The following PIWIL3 variants were observed in gnomAD, a reference collection of about 807,000 sequenced individuals.
PIWIL3 encodes the protein piwi-like protein 3.
In PIWIL3, 101 loss-of-function variants were observed where a neutral mutation model predicts 109.7. That is an observed-to-expected ratio of 0.92 (90% confidence interval 0.78 to 1.09). The LOEUF is 1.09. Ranked by LOEUF, PIWIL3 falls within the 50% of genes least tolerant of loss-of-function variation. The pLI is 0.00. For missense variants in PIWIL3, 1,031 were observed against 1,072.6 expected (o/e 0.96, Z 0.54); for synonymous variants, 373 against 376.4 (o/e 0.99, Z 0.10).
At chr22:24,731,879 A>G (rs1923372108) in intron 14 of PIWIL3, among the ~76,000 whole-genome samples, 1 of 152,130 alleles carries the variant, frequency 6.6e-6, no homozygotes, top group Admixed American at 6.5e-5. Context: ...CCGGCCCCTC[A>G]GTTTGCTCCG....
intron 2 of PIWIL3, chr22:24,762,018 T>G: frequency 1.0e-6 from 1 of 1,001,490 alleles, no homozygotes; most frequent in South Asian, 4.6e-5. Flanking sequence ...AGGGCAGGCA[T>G]AACAAGTTTT....
chr22:24,746,086 C>A (rs1293859780), intron 12 of PIWIL3, among the ~76,000 whole-genome samples: 2 of 152,286 alleles, frequency 1.3e-5, no homozygotes, highest in Non-Finnish European at 2.9e-5. Flanking sequence ...GGAGGGAATA[C>A]TTCCAAGTCA....
rs962155306 is a variant in PIWIL3 at position 24,751,374 on chromosome 22, TAC to T, written c.1089+11_1089+12del. On this transcript the variant is annotated intron_variant, in intron 9 of 20. Transcript: ENST00000616349. Reference sequence around the variant, plus strand: ...TACAATTTAAATATATTTAAAGAAATACAGTTTCATACCTGCCTGTAGTAGTC... The same window carrying T: ...TACAATTTAAATATATTTAAAGAAATAGTTTCATACCTGCCTGTAGTAGTC... 6.3e-6 allele frequency: 10 copies of T among 1,581,020 alleles called. No homozygotes were observed. In the Admixed American group the frequency reaches 7.8e-5, roughly 12 times the overall value.
chr22:24,723,047 G>A (rs1922768561), intron 19 of PIWIL3, 83 bp downstream of exon 19: 1 of 1,451,988 alleles, frequency 6.9e-7, no homozygotes, highest in African/African-American at 1.4e-5. Context: ...TTAAGGTAAA[G>A]TTATTGGAAT....
chr22:24,719,940 G>A (rs1922563746), intron 19 of PIWIL3, 45 bp from the exon 20 acceptor site: 3 of 1,472,672 alleles, frequency 2.0e-6, no homozygotes, highest in East Asian at 2.3e-5. Context: ...TTAGAAAGAG[G>A]GTATATAGTA....
Position 24,724,910 on chromosome 22 carries a change from G to A in PIWIL3, c.2208C>T (p.Tyr736=), listed in dbSNP as rs1351261496. 2 of 1,613,874 alleles carry A rather than the reference G, an allele frequency of 1.2e-6. No individual in the cohort carries two copies. The highest frequency in any genetic ancestry group is 1.1e-5 in the South Asian group (1 of 91,056). ...LDHEAKKMST[Y]LKTISPNNFT... ...ACTTGTTAGGAGAGATGGTTTTTAAGTAGGTCGACATCTTTTTCGCTTCAT... is the reference window on the plus strand; with the variant it reads ...ACTTGTTAGGAGAGATGGTTTTTAAATAGGTCGACATCTTTTTCGCTTCAT... Residue 736 remains tyrosine (Y), a synonymous_variant, in exon 18 of 21, where the codon TAC becomes TAT. Transcript: ENST00000616349.
At chr22:24,771,882 G>A (rs1208891563) in intron 1 of PIWIL3, among the ~76,000 whole-genome samples, 1 of 152,104 alleles carries the variant, frequency 6.6e-6, no homozygotes, top group Non-Finnish European at 1.5e-5. Flanking sequence ...CGTTAGTAGA[G>A]ACGGGGTTTC....
chr22:24,748,871 C>T (rs757323548), intron 12 of PIWIL3, 36 bp downstream of exon 12: 13 of 1,520,128 alleles, frequency 8.6e-6, no homozygotes, highest in South Asian at 3.5e-5. Flanking sequence ...CTTCATTTGA[C>T]CCCACCATGA....
At chr22:24,725,953 T>G (rs190708164) in intron 16 of PIWIL3, among the ~76,000 whole-genome samples, 1 of 152,304 alleles carries the variant, frequency 6.6e-6, no homozygotes, top group East Asian at 1.9e-4. Context: ...TCTAGTAAAA[T>G]GGTATGCTGT....
At chr22:24,737,216 T>C (rs1010681549) in intron 12 of PIWIL3, among the ~76,000 whole-genome samples, 3 of 151,718 alleles carry the variant, frequency 2.0e-5, no homozygotes, top group African/African-American at 7.3e-5. Flanking sequence ...GAAGGAAGAG[T>C]GAAGACTTTG....
intron 19 of PIWIL3, among the ~76,000 whole-genome samples, chr22:24,721,891 A>C (rs1922694712): frequency 6.6e-6 from 1 of 152,210 alleles, no homozygotes; most frequent in African/African-American, 2.4e-5. Flanking sequence ...AACAAGAAAA[A>C]GACTTCTAAA....
chr22:24,771,118 G>A (rs1424226170), intron 1 of PIWIL3, among the ~76,000 whole-genome samples: 2 of 151,856 alleles, frequency 1.3e-5, no homozygotes, highest in African/African-American at 2.4e-5. Flanking sequence ...ACTTAAAATG[G>A]TCTCTTGGAG....
chr22:24,747,019 T>C (rs1924415500), intron 12 of PIWIL3, among the ~76,000 whole-genome samples: 1 of 151,692 alleles, frequency 6.6e-6, no homozygotes, highest in Admixed American at 6.6e-5. Flanking sequence ...CAGAATTCCA[T>C]AAGCTATCCT....
intron 1 of PIWIL3, chr22:24,769,855 A>G (rs1203272262): frequency 6.6e-6 from 1 of 150,834 alleles, no homozygotes; most frequent in Admixed American, 6.6e-5. Context: ...TGATGAGCTA[A>G]AAGAAAAAAA....
At position 24,719,774 on chromosome 22, in the gene PIWIL3, G is replaced by A. The variant is rs1458871726; in HGVS notation, c.2479C>T (p.Leu827=). 1.2e-6 allele frequency: 2 copies of A among 1,612,764 alleles called. No individual in the cohort carries two copies. Among genetic ancestry groups the A allele is most frequent in the African/African-American group, 1.3e-5 (1 of 74,888 alleles). ...PDTVQRLTYC[L]CHMYYNLPGI... ...GGCAAATTATAATACATGTGGCATAGACAATATGTTAAACGCTGTACTGTA... is the reference window on the plus strand; with the variant it reads ...GGCAAATTATAATACATGTGGCATAAACAATATGTTAAACGCTGTACTGTA... The change falls in exon 20 of 21, where the codon CTA becomes TTA. Residue 827 remains leucine, a synonymous_variant. Transcript: ENST00000616349.
At chr22:24,756,175 C>G (rs1284656566) in intron 5 of PIWIL3, among the ~76,000 whole-genome samples, 1 of 152,018 alleles carries the variant, frequency 6.6e-6, no homozygotes, top group Non-Finnish European at 1.5e-5. Flanking sequence ...AATAAGTTCT[C>G]TAACTTGTTT....
At chr22:24,739,246 G>A (rs1021152841) in intron 12 of PIWIL3, among the ~76,000 whole-genome samples, 2 of 152,070 alleles carry the variant, frequency 1.3e-5, no homozygotes, top group East Asian at 1.9e-4. Context: ...AAGAGTTACT[G>A]TCCTTATAGA....
chr22:24,754,480 T>C (rs181506529), intron 7 of PIWIL3, among the ~76,000 whole-genome samples: 361 of 152,058 alleles, frequency 2.4e-3, no homozygotes, highest in African/African-American at 8.1e-3. Context: ...TACCAGTGAG[T>C]AATATATATA....
At chr22:24,760,022 G>A (rs751094184) in intron 2 of PIWIL3, 33 bp from the exon 3 acceptor site, 1 of 1,611,838 alleles carries the variant, frequency 6.2e-7, no homozygotes, top group Non-Finnish European at 8.5e-7. Flanking sequence ...ATAATGAGCA[G>A]TGCCCTACTG....
Sources: allele counts gnomAD v4.1 joint callset (sites outside exome capture counted in the v4.1 genomes callset), GRCh38; gene constraint gnomAD v4.1.1; transcripts MANE v1.5; gene names NCBI Gene and HGNC (gene_info 2026-07-23, HGNC 2026-07-21).